RBFOX2: variants seen among roughly 807,000 people sequenced by gnomAD.
The protein encoded by RBFOX2 is RNA binding protein fox-1 homolog 2.
Under a neutral mutation model 49.1 loss-of-function variants are expected in RBFOX2, and 10 were observed. The observed-to-expected ratio is 0.20, with a 90% CI of 0.13 to 0.35. The LOEUF (loss-of-function observed/expected upper bound fraction) is 0.35, where lower values mean the gene tolerates loss of function less well. RBFOX2 is among the 10% of genes least tolerant of loss of function. The pLI is 1.00. For synonymous variants in RBFOX2, 183 were observed against 187.4 expected, an observed-to-expected ratio of 0.98 and a Z score of 0.19; for missense variants, 323 against 486.9, an observed-to-expected ratio of 0.66 and a Z score of 3.17.
At chr22:35,938,932 G>C, upstream of RBFOX2, 1 of 1,574,258 alleles carries the variant, frequency 6.4e-7, no homozygotes, top group Non-Finnish European at 8.7e-7. Flanking sequence ...CAAACCATGA[G>C]ATGAAAGAAA....
chr22:35,846,330 TTGTGTGTGTGTGTGTGTGTG>T (rs35272106), intron 1 of RBFOX2, among the ~76,000 whole-genome samples: 278 of 140,452 alleles, frequency 2.0e-3, no homozygotes, highest in African/African-American at 7.0e-3. Context: ...ATTTATATAG[TTGTGTGTGTGTGTGTGTGTG>T]TGTGTGTGTG....
chr22:35,781,807 C>A (rs1945201555), intron 2 of RBFOX2, 61 bp from the exon 4 acceptor site: 2 of 1,595,950 alleles, frequency 1.3e-6, no homozygotes, highest in Admixed American at 3.4e-5. Flanking sequence ...TTAAAGTTAT[C>A]CCCCCACAGC....
chr22:36,011,178 G>C (rs2058807494), intron 1 of RBFOX2, among the ~76,000 whole-genome samples: 1 of 152,100 alleles, frequency 6.6e-6, no homozygotes, highest in East Asian at 1.9e-4. Flanking sequence ...TACGATAGCT[G>C]ACCCACAATG....
chr22:35,862,418 C>T (rs983050377), intron 1 of RBFOX2, among the ~76,000 whole-genome samples: 2 of 151,770 alleles, frequency 1.3e-5, no homozygotes, highest in Non-Finnish European at 2.9e-5. Flanking sequence ...GAAAGGCATC[C>T]GTCTTCCCTA....
At chr22:35,836,746 T>C (rs1957750875) in intron 1 of RBFOX2, among the ~76,000 whole-genome samples, 1 of 152,244 alleles carries the variant, frequency 6.6e-6, no homozygotes, top group Non-Finnish European at 1.5e-5. Flanking sequence ...TAAAATCTTT[T>C]CCTCTCTGCC....
chr22:35,923,338 TTTC>T (rs1164957846), intron 1 of RBFOX2, among the ~76,000 whole-genome samples: 10 of 150,572 alleles, frequency 6.6e-5, no homozygotes, highest in Non-Finnish European at 3.0e-5. Context: ...ATATCTTTTT[TTTC>T]TTTTTTCTTT....
At chr22:35,889,079 C>T (rs2046943341) in intron 1 of RBFOX2, among the ~76,000 whole-genome samples, 1 of 152,082 alleles carries the variant, frequency 6.6e-6, no homozygotes, top group Non-Finnish European at 1.5e-5. Flanking sequence ...CGCTTGAATG[C>T]AGGAGGCGAA....
chr22:35,969,429 A>G (rs1169290710), intron 1 of RBFOX2, among the ~76,000 whole-genome samples: 2 of 152,146 alleles, frequency 1.3e-5, no homozygotes, highest in East Asian at 3.9e-4. Flanking sequence ...AAAATTCGTC[A>G]GGCATGGTGA....
At chr22:35,865,407 G>T (rs1326891803) in intron 1 of RBFOX2, among the ~76,000 whole-genome samples, 1 of 152,106 alleles carries the variant, frequency 6.6e-6, no homozygotes, top group Non-Finnish European at 1.5e-5. Flanking sequence ...AAACACTGAG[G>T]AGTTCAGGAC....
upstream of RBFOX2, among the ~76,000 whole-genome samples, chr22:35,843,641 C>T (rs1031527247): frequency 2.0e-5 from 3 of 152,056 alleles, no homozygotes; most frequent in Non-Finnish European, 2.9e-5. Context: ...TAAAATGATA[C>T]CAGTCTTTCT....
At chr22:35,898,188 GT>G (rs2048109027) in intron 1 of RBFOX2, 1 of 755,034 alleles carries the variant, frequency 1.3e-6, no homozygotes, top group Non-Finnish European at 2.5e-6. Flanking sequence ...CGCGTCCAAG[GT>G]GGTTGACAAC....
At chr22:36,008,320 T>C (rs1320428086) in intron 1 of RBFOX2, among the ~76,000 whole-genome samples, 1 of 151,962 alleles carries the variant, frequency 6.6e-6, no homozygotes, top group Non-Finnish European at 1.5e-5. Context: ...AACATTCAAA[T>C]TTTGTTCAAT....
At chr22:35,947,672 TAAA>T (rs559788717) in intron 1 of RBFOX2, among the ~76,000 whole-genome samples, 6 of 34,126 alleles carry the variant, frequency 1.8e-4, no homozygotes, top group African/African-American at 7.2e-4. Context: ...GTTTAAAAAG[TAAA>T]AAAAAAAAAA....
At chr22:35,763,563 A>G (rs1359241795) in intron 6 of RBFOX2, among the ~76,000 whole-genome samples, 1 of 152,230 alleles carries the variant, frequency 6.6e-6, no homozygotes, top group Non-Finnish European at 1.5e-5. Context: ...CTGCCTCAAA[A>G]CAAAAACAAA....
chr22:35,947,398 A>G (rs1037758119), intron 1 of RBFOX2, among the ~76,000 whole-genome samples: 2 of 152,068 alleles, frequency 1.3e-5, no homozygotes, highest in Non-Finnish European at 2.9e-5. Flanking sequence ...TTACTGGTTC[A>G]TGTATTTACT....
intron 1 of RBFOX2, among the ~76,000 whole-genome samples, chr22:35,932,450 T>C (rs2052540985): frequency 6.6e-6 from 1 of 152,260 alleles, no homozygotes; most frequent in East Asian, 1.9e-4. Flanking sequence ...GTCTATGTTA[T>C]ATTTGTCAAC....
chr22:36,011,176 C>T (rs1478917301), intron 1 of RBFOX2, among the ~76,000 whole-genome samples: 1 of 152,128 alleles, frequency 6.6e-6, no homozygotes, highest in Non-Finnish European at 1.5e-5. Context: ...TATACGATAG[C>T]TGACCCACAA....
intron 1 of RBFOX2, among the ~76,000 whole-genome samples, chr22:35,989,404 C>T (rs1184228606): frequency 6.6e-6 from 1 of 151,646 alleles, no homozygotes; most frequent in Non-Finnish European, 1.5e-5. Context: ...AGCGGCATTC[C>T]AAGGACAAAG....
At chr22:35,871,183 A>G (rs1375001886) in intron 1 of RBFOX2, among the ~76,000 whole-genome samples, 3 of 152,212 alleles carry the variant, frequency 2.0e-5, no homozygotes, top group African/African-American at 4.8e-5. Context: ...TGGAAACGCA[A>G]CTTTGACAGT....
Sources: gnomAD v4.1 joint callset for allele counts (sites outside exome capture counted in the v4.1 genomes callset) on GRCh38, gnomAD v4.1.1 for gene constraint, MANE v1.5 for transcripts, NCBI Gene and HGNC (gene_info 2026-07-23, HGNC 2026-07-21) for gene names.